The following ACTR3C variants were observed in gnomAD, a reference collection of about 807,000 sequenced individuals.
ACTR3C encodes actin-related protein 3C.
ACTR3C carries 18 observed loss-of-function variants against 26.3 expected under a neutral mutation model. The ratio of observed to expected loss-of-function variants is 0.68; its 90% CI spans 0.47 to 1.01. ACTR3C has a LOEUF of 1.01. Ranked by LOEUF, ACTR3C falls within the 50% of genes least tolerant of loss-of-function variation. The pLI is 0.00. For missense variants in ACTR3C, 184 were observed against 250.7 expected (o/e 0.73, Z 1.80); for synonymous variants, 55 against 94.5 (o/e 0.58, Z 2.42).
At chr7:150,247,756 C>T (rs973173477) in intron 7 of ACTR3C, 187 bp from the exon 8 acceptor site, 5 of 146,258 alleles carry the variant, frequency 3.4e-5, no homozygotes, top group Admixed American at 3.4e-4. Flanking sequence ...TCATGGATGG[C>T]GTGGGCCATC....
At chr7:149,978,140 C>T in the ACTR3C span, among the ~76,000 whole-genome samples, 1 of 152,102 alleles carries the variant, frequency 6.6e-6, no homozygotes, top group African/African-American at 2.4e-5. Context: ...TTCAGATGTG[C>T]TTCTCCTATA....
At chr7:149,888,837 G>T in the ACTR3C span, among the ~76,000 whole-genome samples, 7 of 151,982 alleles carry the variant, frequency 4.6e-5, no homozygotes, top group Non-Finnish European at 1.0e-4. Flanking sequence ...GTGAAACCCC[G>T]TCTCTACTAA....
At chr7:150,161,629 C>T in the ACTR3C span, among the ~76,000 whole-genome samples, 4,582 of 152,110 alleles carry the variant, frequency 0.03, 212 homozygotes, top group East Asian at 0.18. Flanking sequence ...GACATTTGGG[C>T]TAGAAATACC....
chr7:150,262,900 GA>G (rs1235959043), intron 6 of ACTR3C, among the ~76,000 whole-genome samples: 1 of 152,222 alleles, frequency 6.6e-6, no homozygotes, highest in Admixed American at 6.5e-5. Flanking sequence ...AAATAAAAGA[GA>G]CAAACAATAA....
the ACTR3C span, among the ~76,000 whole-genome samples, chr7:150,162,356 C>T: frequency 2.9e-4 from 44 of 151,268 alleles, no homozygotes; most frequent in East Asian, 6.4e-3. Flanking sequence ...GATGAAGTCT[C>T]GCTCTGTTGC....
At chr7:150,091,778 C>G in the ACTR3C span, among the ~76,000 whole-genome samples, 2 of 148,126 alleles carry the variant, frequency 1.4e-5, no homozygotes, top group African/African-American at 4.9e-5. Flanking sequence ...GTCAGGAGAT[C>G]GAGACCATCC....
At chr7:150,025,644 C>T in the ACTR3C span, among the ~76,000 whole-genome samples, 8 of 152,090 alleles carry the variant, frequency 5.3e-5, no homozygotes, top group South Asian at 2.1e-4. Context: ...ATGTTTTTAG[C>T]GGAGGAAAAT....
At chr7:149,898,458 C>T in the ACTR3C span, among the ~76,000 whole-genome samples, 1 of 152,214 alleles carries the variant, frequency 6.6e-6, no homozygotes, top group African/African-American at 2.4e-5. Context: ...GTAATCCCAA[C>T]ACTGTGGGAG....
the ACTR3C span, among the ~76,000 whole-genome samples, chr7:149,886,428 G>A: frequency 4.3e-3 from 657 of 152,278 alleles, 3 homozygotes; most frequent in Non-Finnish European, 6.5e-3. Context: ...ACTAGAATTG[G>A]CATGCTGTTT....
At chr7:150,285,999 C>T (rs10257486) in intron 5 of ACTR3C, among the ~76,000 whole-genome samples, 33,943 of 151,900 alleles carry the variant, frequency 0.22, 5,868 homozygotes, top group African/African-American at 0.48. Context: ...AGAAAGGTTA[C>T]ATATTATCCC....
the ACTR3C span, among the ~76,000 whole-genome samples, chr7:150,016,183 C>G: frequency 2.0e-5 from 3 of 152,116 alleles, no homozygotes; most frequent in African/African-American, 7.3e-5. Context: ...CACAGCTGAT[C>G]AGGGTCTAGG....
chr7:149,943,291 G>A, the ACTR3C span, among the ~76,000 whole-genome samples: 1 of 149,902 alleles, frequency 6.7e-6, no homozygotes, highest in Non-Finnish European at 1.5e-5. Flanking sequence ...TCTGGGGATG[G>A]CTGCTGAGCA....
chr7:150,121,101 A>G, the ACTR3C span, among the ~76,000 whole-genome samples: 53 of 152,334 alleles, frequency 3.5e-4, 1 homozygote, highest in South Asian at 0.01. Flanking sequence ...AATAAGAACT[A>G]TTTATGACAA....
chr7:149,882,226 G>C, the ACTR3C span: 3 of 152,600 alleles, frequency 2.0e-5, no homozygotes, highest in East Asian at 5.8e-4. Context: ...CAGGATTGGG[G>C]TGGGGGGCAT....
chr7:150,110,568 C>G, the ACTR3C span, among the ~76,000 whole-genome samples: 886 of 17,822 alleles, frequency 0.05, 51 homozygotes, highest in African/African-American at 0.12. Flanking sequence ...CTGGCTGGAG[C>G]AGGTGGGGCT....
At chr7:150,037,530 C>T in the ACTR3C span, among the ~76,000 whole-genome samples, 1 of 39,576 alleles carries the variant, frequency 2.5e-5, no homozygotes, top group African/African-American at 9.5e-5. Context: ...TCCCCACCTT[C>T]GCGGGGGGTG....
At chr7:150,259,603 C>T (rs1057396211) in intron 6 of ACTR3C, among the ~76,000 whole-genome samples, 5 of 152,064 alleles carry the variant, frequency 3.3e-5, no homozygotes, top group African/African-American at 1.2e-4. Flanking sequence ...CCAGAATTAC[C>T]GATTTCATGG....
At position 150,287,899 on chromosome 7, in the gene ACTR3C, C is replaced by A. The variant is rs1354597136; in HGVS notation, c.298-1359G>T. 1.6e-4 allele frequency among the ~76,000 whole-genome samples: 23 copies of A among 143,670 alleles called. 1 individual carries two copies. The highest frequency in any genetic ancestry group is 2.8e-4 in the Non-Finnish European group (19 of 67,250). The allele number at this position is 143,670 out of a possible 152,430, so 94.3% of individuals were successfully genotyped here. A position where few individuals can be genotyped will look rare whatever the true frequency, so the allele number is the denominator to read the frequency against. ...CATCTCAGCTTACTTAACTCAAATG[C>A]TTCCTAGGAAATGTTTCCATTGAGT... On this transcript the variant is annotated intron_variant, in intron 4 of 7. Coordinates refer to ENST00000683684, the MANE Select transcript of ACTR3C (RefSeq NM_001164458.2).
intron 6 of ACTR3C, among the ~76,000 whole-genome samples, chr7:150,252,448 C>T (rs1378677323): frequency 1.3e-5 from 2 of 152,082 alleles, no homozygotes; most frequent in African/African-American, 2.4e-5. Context: ...GAAGGGGCTG[C>T]TTGGAGGATG....
Sources: allele counts gnomAD v4.1 joint callset (sites outside exome capture counted in the v4.1 genomes callset), GRCh38; gene constraint gnomAD v4.1.1; transcripts MANE v1.5; gene names NCBI Gene and HGNC (gene_info 2026-07-23, HGNC 2026-07-21).